Variants in COBL observed in about 807,000 individuals in gnomAD.
COBL encodes the protein cordon-bleu WH2 repeat protein.
Under a neutral mutation model 98.8 loss-of-function variants are expected in COBL, and 51 were observed. The observed-to-expected ratio is 0.52, with a 90% CI of 0.41 to 0.65. COBL has a LOEUF of 0.65. Among genes scored for constraint, COBL ranks in the 30% least tolerant of loss-of-function variants. The pLI, the probability that COBL is intolerant of heterozygous loss-of-function variation, is 0.00. For missense variants in COBL, 1,617 were observed against 1,617.5 expected, an observed-to-expected ratio of 1.00 and a Z score of 0.01; for synonymous variants, 634 against 651.7, an observed-to-expected ratio of 0.97 and a Z score of 0.41.
intron 7 of COBL, among the ~76,000 whole-genome samples, chr7:51,054,119 T>G (rs1449230664): frequency 6.6e-6 from 1 of 152,192 alleles, no homozygotes; most frequent in African/African-American, 2.4e-5. Flanking sequence ...AGACAGAGGT[T>G]GCAGTGAGCT....
intron 1 of COBL, among the ~76,000 whole-genome samples, chr7:51,253,620 C>T (rs889482096): frequency 2.0e-5 from 3 of 152,228 alleles, no homozygotes; most frequent in Non-Finnish European, 4.4e-5. Context: ...CCTTCTTCCA[C>T]AGTTAGAACT....
At chr7:51,060,900 T>C (rs777019040) in intron 7 of COBL, among the ~76,000 whole-genome samples, 3 of 151,854 alleles carry the variant, frequency 2.0e-5, no homozygotes, top group Non-Finnish European at 4.4e-5. Context: ...CAGGGGAAAA[T>C]AGACTACTGC....
At chr7:51,298,966 TC>T (rs1166608035) in intron 1 of COBL, among the ~76,000 whole-genome samples, 3 of 152,152 alleles carry the variant, frequency 2.0e-5, no homozygotes, top group African/African-American at 7.2e-5. Context: ...ACTCAGACTC[TC>T]CCCAGCACAA....
At chr7:51,176,719 T>A (rs980055258) in intron 5 of COBL, among the ~76,000 whole-genome samples, 4 of 152,224 alleles carry the variant, frequency 2.6e-5, no homozygotes, top group Non-Finnish European at 4.4e-5. Context: ...AGGCACAGTT[T>A]GAATCCAAAT....
chr7:51,132,173 C>T (rs1314924116), intron 6 of COBL, among the ~76,000 whole-genome samples: 2 of 152,232 alleles, frequency 1.3e-5, no homozygotes, highest in Admixed American at 1.3e-4. Flanking sequence ...CCGGCTGGGG[C>T]CATGGACCCT....
In COBL at chr7:51,316,614, G is replaced by A. The variant is rs1399697954; in HGVS notation, c.20C>T (p.Ser7Leu). ...TTACCCGGTCGGGGGCTTGGCCGCC[G>A]AGGCGCGCGGCGCGTCCATGGTGCC... MDAPRA[S>L]AAKPPTGRKM... Residue 7 changes from serine (S) to leucine (L), a missense_variant, in exon 1 of 13, where the codon TCG becomes TTG. Ser to Leu is a moderately radical substitution (Grantham distance 145). Around this residue, in one of 3 missense-constraint regions of COBL, gnomAD observed 238 missense variants for 215.0 expected, o/e 1.11. Coordinates refer to ENST00000265136, the MANE Select transcript of COBL (RefSeq NM_015198.5). The A allele has an allele frequency of 8.3e-6, 10 of 1,203,374 alleles. No homozygotes were observed. The African/African-American group carries it at 9.5e-5, about 11-fold the overall frequency. The allele number at this position is 1,203,374 out of a possible 1,614,324, so 74.5% of individuals were successfully genotyped here.
At chr7:51,219,657 A>G (rs1793424077) in intron 2 of COBL, 84 bp downstream of exon 2, 17 of 1,427,426 alleles carry the variant, frequency 1.2e-5, no homozygotes, top group Non-Finnish European at 1.5e-5. Flanking sequence ...AGGAAAATGC[A>G]ATACATCAAC....
At chr7:51,297,213 C>A (rs1489802894) in intron 1 of COBL, among the ~76,000 whole-genome samples, 1 of 152,074 alleles carries the variant, frequency 6.6e-6, no homozygotes, top group African/African-American at 2.4e-5. Flanking sequence ...CAAGGCTGAG[C>A]AATCATAACA....
intron 6 of COBL, among the ~76,000 whole-genome samples, chr7:51,121,813 T>C (rs1287560491): frequency 6.6e-6 from 1 of 152,206 alleles, no homozygotes; most frequent in Non-Finnish European, 1.5e-5. Flanking sequence ...TGAATATACA[T>C]ATAAAGTTGC....
chr7:51,145,475 G>A (rs994315284), intron 5 of COBL, among the ~76,000 whole-genome samples: 5 of 151,178 alleles, frequency 3.3e-5, no homozygotes, highest in African/African-American at 4.9e-5. Context: ...CTACCTCCCG[G>A]GTTCAAGCTT....
At chr7:51,073,443 C>G (rs1302180375) in intron 7 of COBL, 3 of 623,034 alleles carry the variant, frequency 4.8e-6, no homozygotes, top group Non-Finnish European at 8.9e-6. Flanking sequence ...AAATAAATAT[C>G]TGCCATTATC....
At chr7:51,082,952 A>G (rs1793814215) in intron 7 of COBL, 4 of 1,016,678 alleles carry the variant, frequency 3.9e-6, no homozygotes, top group East Asian at 2.6e-5. Flanking sequence ...GGAAAGGCAC[A>G]CACATCCAAA....
chr7:51,307,818 G>A (rs1044143950), intron 1 of COBL, among the ~76,000 whole-genome samples: 4 of 152,290 alleles, frequency 2.6e-5, no homozygotes, highest in South Asian at 2.1e-4. Context: ...AATTTAGAGC[G>A]TTGTCACAGC....
chr7:51,208,412 CA>C (rs1792029040), intron 2 of COBL, among the ~76,000 whole-genome samples: 2 of 129,740 alleles, frequency 1.5e-5, no homozygotes, highest in Non-Finnish European at 3.5e-5. Flanking sequence ...CCCGCCCGGC[CA>C]GCCGCCCCGT....
chr7:51,097,677 T>C (rs558199725), intron 6 of COBL, among the ~76,000 whole-genome samples: 123 of 152,224 alleles, frequency 8.1e-4, no homozygotes, highest in African/African-American at 2.9e-3. Context: ...AAAAGGAAAT[T>C]AAGAAAATAA....
chr7:51,142,572 CA>C (rs2129013187), intron 5 of COBL, among the ~76,000 whole-genome samples: 1 of 152,038 alleles, frequency 6.6e-6, no homozygotes, highest in South Asian at 2.1e-4. Flanking sequence ...TTACTAGAGA[CA>C]GGGTTTTGCC....
At chr7:51,228,137 G>A (rs542487555) in intron 1 of COBL, among the ~76,000 whole-genome samples, 3 of 152,214 alleles carry the variant, frequency 2.0e-5, no homozygotes, top group Non-Finnish European at 4.4e-5. Flanking sequence ...CTCTAGAGCT[G>A]GAAAAACATC....
At chr7:51,171,209 C>T (rs966888648) in intron 5 of COBL, among the ~76,000 whole-genome samples, 2 of 151,908 alleles carry the variant, frequency 1.3e-5, no homozygotes, top group Admixed American at 1.3e-4. Flanking sequence ...AGTTAATATC[C>T]AGTGTGAATG....
At chr7:51,247,910 G>A (rs1796392111) in intron 1 of COBL, among the ~76,000 whole-genome samples, 1 of 152,160 alleles carries the variant, frequency 6.6e-6, no homozygotes, top group African/African-American at 2.4e-5. Flanking sequence ...AGGCTGAGGT[G>A]GTGGATCACT....
Sources: allele counts gnomAD v4.1 joint callset (sites outside exome capture counted in the v4.1 genomes callset), GRCh38; gene constraint gnomAD v4.1.1; regional missense constraint gnomAD v4.1.1; transcripts MANE v1.5; gene names NCBI Gene and HGNC (gene_info 2026-07-23, HGNC 2026-07-21).